Variants in UMODL1 observed in about 807,000 individuals in gnomAD.
UMODL1 encodes uromodulin-like 1.
Under a neutral mutation model 136.3 loss-of-function variants are expected in UMODL1, and 128 were observed. The ratio of observed to expected loss-of-function variants is 0.94; its 90% CI spans 0.81 to 1.09. UMODL1 has a LOEUF of 1.09. Among genes scored for constraint, UMODL1 ranks in the 50% least tolerant of loss-of-function variants. The pLI is 0.00. For synonymous variants in UMODL1, 721 were observed against 720.0 expected (o/e 1.00, Z -0.02); for missense variants, 1,766 against 1,725.6 (o/e 1.02, Z -0.41).
chr21:42,106,684 A>G (rs2066725181), intron 9 of UMODL1, among the ~76,000 whole-genome samples: 1 of 152,166 alleles, frequency 6.6e-6, no homozygotes, highest in Admixed American at 6.5e-5. Flanking sequence ...CCCCGCGCCT[A>G]TGAGTTGCAC....
At chr21:42,075,204 C>T (rs1425085686) in intron 1 of UMODL1, among the ~76,000 whole-genome samples, 2 of 151,348 alleles carry the variant, frequency 1.3e-5, no homozygotes, top group Non-Finnish European at 2.9e-5. Flanking sequence ...GCCCAGCCCA[C>T]ACCCGGCTAA....
rs1389978866 is a variant in UMODL1 at position 42,108,875 on chromosome 21, C to CCCGCG, written c.1520-686_1520-685insCGCGC. Among the ~76,000 whole-genome samples the CCCGCG allele has an allele frequency of 2.0e-4, 31 of 151,800 alleles. 3 individuals are homozygous for CCCGCG. Among genetic ancestry groups the CCCGCG allele is most frequent in the Non-Finnish European group, 2.5e-4 (17 of 67,840 alleles). ...TGTTGTACTCCGCTGGACCCCACCCCCGGCGTGGGAAGTTCATGTTGTACT... is the reference window on the plus strand; with the variant it reads ...TGTTGTACTCCGCTGGACCCCACCCCCCGCGCGGCGTGGGAAGTTCATGTTGTACT... On this transcript the variant is annotated intron_variant, in intron 9 of 22. Coordinates refer to ENST00000408910, the MANE Select transcript of UMODL1 (RefSeq NM_001004416.3).
chr21:42,103,975 C>T lies in UMODL1; in HGVS notation c.1407C>T (p.Leu469=), dbSNP rs2066676086. The change falls in exon 9 of 23, where the codon CTC becomes CTT. Residue 469 remains leucine, a synonymous_variant. Transcript: ENST00000408910. ...QAGSVVVRLK[L]TVQDPGFPMG... ...GAAGTGTGGTCGTGAGGCTCAAGCT[C>T]ACCGTGCAGGACCCCGGGTTTCCCA... is the stretch of plus-strand genomic sequence containing the variant. 1.2e-6 allele frequency: 2 copies of T among 1,614,114 alleles called. No homozygotes were observed. The highest frequency in any genetic ancestry group is 1.3e-5 in the African/African-American group (1 of 75,050).
At chr21:42,128,098 C>T (rs761593746) in intron 20 of UMODL1, 49 of 571,214 alleles carry the variant, frequency 8.6e-5, no homozygotes, top group African/African-American at 5.5e-5. Flanking sequence ...AATATTCAAC[C>T]GGCTGTCGCG....
intron 21 of UMODL1, among the ~76,000 whole-genome samples, chr21:42,131,651 C>CAGG (rs10682223): frequency 0.55 from 23,273 of 42,520 alleles, 4,973 homozygotes; most frequent in Non-Finnish European, 0.6. Flanking sequence ...AGCTGGGGAA[C>CAGG]AGGAGGGAGG....
intron 16 of UMODL1, among the ~76,000 whole-genome samples, 167 bp downstream of exon 16, chr21:42,121,391 T>C (rs2066970701): frequency 6.6e-6 from 1 of 150,636 alleles, no homozygotes; most frequent in Non-Finnish European, 1.5e-5. Context: ...GTGTGTGATG[T>C]ATGTGTACAT....
In UMODL1 at chr21:42,085,668, C is replaced by T. The variant is rs1260560343; in HGVS notation, c.603+256C>T. On this transcript the variant is annotated intron_variant, in intron 4 of 22. Coordinates refer to ENST00000408910, the MANE Select transcript of UMODL1 (RefSeq NM_001004416.3). This position sits in a 1 kb window ranked among gnomAD's most constrained non-coding sequence, Gnocchi z 4.5. ...TTATGTGTGTACCCTCATAGGCCCG[C>T]CTGTCGTGGTGGAGAACGCGGATCC... Among the ~76,000 whole-genome samples the T allele has an allele frequency of 1.3e-5, 2 of 152,212 alleles. No individual in the cohort carries two copies. The highest frequency in any genetic ancestry group is 1.9e-4 in the East Asian group (1 of 5,204).
At chr21:42,136,155 G>C (rs951431215) in intron 21 of UMODL1, among the ~76,000 whole-genome samples, 2 of 152,112 alleles carry the variant, frequency 1.3e-5, no homozygotes, top group African/African-American at 4.8e-5. Context: ...GCCAGCCAGA[G>C]AGCCAGCAGG....
rs201468176 is a variant in UMODL1 at position 42,127,036 on chromosome 21, C to A, written c.3324C>A (p.Gly1108=). 1 of 1,614,182 alleles carries A rather than the reference C, an allele frequency of 6.2e-7. No individual in the cohort carries two copies. Among genetic ancestry groups the A allele is most frequent in the Non-Finnish European group, 8.5e-7 (1 of 1,180,018 alleles). Residue 1108 remains glycine, a synonymous_variant, in exon 19 of 23, where the codon GGC becomes GGA. Transcript: ENST00000408910. ...ACACCATCATCGAGGACCTCCACGG[C>A]GCTGGGAATTTTGTTACCGAAATGC... The part of the protein sequence containing the change: ...GVYTIIEDLH[G]AGNFVTEMQL...
intron 12 of UMODL1, 59 bp downstream of exon 12, chr21:42,111,769 G>A: frequency 6.8e-7 from 1 of 1,476,624 alleles, no homozygotes; most frequent in Non-Finnish European, 9.1e-7. Flanking sequence ...GCCTGTGTGA[G>A]CCTCTGGGGC....
intron 2 of UMODL1, 67 bp from the exon 3 acceptor site, chr21:42,084,017 G>T: frequency 6.4e-7 from 1 of 1,569,142 alleles, no homozygotes; most frequent in Non-Finnish European, 8.7e-7. Context: ...CCGACGTGAG[G>T]TCCCCGTGCA....
rs183909563 is a variant in UMODL1, at chr21:42,088,326, C to T, written c.636C>T (p.Thr212=). The change falls in exon 5 of 23, where the codon ACC becomes ACT. Residue 212 remains threonine (T), a synonymous_variant. Transcript: ENST00000408910. ...VTSALQPMAS[T]VHHLHSAPGN... is the part of the protein sequence containing the mutation. ...GCGCCCTGCAACCAATGGCCTCCAC[C>T]GTCCACCACCTGCACTCAGCCCCTG... 4.3e-4 allele frequency: 701 copies of T among 1,613,660 alleles called. 2 individuals carry two copies. In the African/African-American group the frequency reaches 7.4e-3, roughly 17 times the overall value.
intron 6 of UMODL1, among the ~76,000 whole-genome samples, chr21:42,095,536 G>A (rs2066547966): frequency 6.6e-6 from 1 of 152,094 alleles, no homozygotes; most frequent in Non-Finnish European, 1.5e-5. Flanking sequence ...CATTTAGGGT[G>A]TACCTGGGAA....
intron 2 of UMODL1, among the ~76,000 whole-genome samples, chr21:42,082,072 G>A (rs2066368630): frequency 6.6e-6 from 1 of 152,202 alleles, no homozygotes; most frequent in South Asian, 2.1e-4. Context: ...GAAAGAGAGT[G>A]CGGCTGAGAG....
At chr21:42,077,872 C>T (rs1266486872) in intron 2 of UMODL1, among the ~76,000 whole-genome samples, 1 of 152,216 alleles carries the variant, frequency 6.6e-6, no homozygotes, top group Non-Finnish European at 1.5e-5. Flanking sequence ...ACCAGGGTGT[C>T]TGCCTCCTCC....
intron 18 of UMODL1, 135 bp downstream of exon 18, chr21:42,126,625 C>A: frequency 1.4e-6 from 2 of 1,393,716 alleles, no homozygotes; most frequent in Non-Finnish European, 1.9e-6. Flanking sequence ...GGCCTGGCTG[C>A]TCCCCAAATT....
intron 9 of UMODL1, chr21:42,108,645 G>A (rs2066759398): frequency 6.2e-6 from 2 of 324,084 alleles, no homozygotes; most frequent in South Asian, 2.5e-5. Flanking sequence ...AGAAGCACGC[G>A]CAGAAGGCAC....
chr21:42,067,856 C>G (rs183905161), upstream of UMODL1, among the ~76,000 whole-genome samples: 7 of 152,336 alleles, frequency 4.6e-5, no homozygotes, highest in African/African-American at 1.7e-4. Context: ...AACTGCTGCC[C>G]GTGGAGGGCC....
chr21:42,128,628 G>T (rs559174252), intron 20 of UMODL1, among the ~76,000 whole-genome samples: 1 of 152,344 alleles, frequency 6.6e-6, no homozygotes, highest in Admixed American at 6.5e-5. Context: ...CAATGGGACA[G>T]AAGGAACCTC....
Sources: gnomAD v4.1 joint callset for allele counts (sites outside exome capture counted in the v4.1 genomes callset) on GRCh38, gnomAD v4.1.1 for gene constraint, Gnocchi (gnomAD v3.1) non-coding constraint, MANE v1.5 for transcripts, NCBI Gene and HGNC (gene_info 2026-07-23, HGNC 2026-07-21) for gene names.